The following ARGLU1 variants were observed in gnomAD, a reference collection of about 807,000 sequenced individuals.
The protein encoded by ARGLU1 is arginine and glutamate-rich protein 1.
A neutral mutation model predicts 37.6 loss-of-function variants in ARGLU1; 9 were observed. The ratio of observed to expected loss-of-function variants is 0.24; its 90% CI spans 0.14 to 0.42. ARGLU1 has a LOEUF of 0.42. Ranked by LOEUF, ARGLU1 falls within the 10% of genes least tolerant of loss-of-function variation. The pLI is 1.00. For synonymous variants in ARGLU1, 166 were observed against 138.5 expected (o/e 1.20, Z -1.39); for missense variants, 211 against 359.2 (o/e 0.59, Z 3.34).
In ARGLU1 at chr13:106,557,116, T is replaced by C; in HGVS notation, c.589A>G (p.Lys197Glu). The change falls in exon 3 of 4, where the codon AAA (lysine) becomes GAA (glutamate). Residue 197 changes from lysine (K) to glutamate (E), a missense_variant. Around this residue, in one of 3 missense-constraint regions of ARGLU1, gnomAD observed 80 missense variants for 158.4 expected, o/e 0.51. Coordinates refer to ENST00000400198, the MANE Select transcript of ARGLU1 (RefSeq NM_018011.4). This position sits in a 1 kb window ranked among gnomAD's most constrained non-coding sequence, Gnocchi z 5.0. ...AGTATTCGCTCTAGCTCCTCACGTT[T>C]TGCACGTTCTTCCTCCTAAAGGGGA... ...QKAREEEERA[K>E]REELERILEE... The C allele has an allele frequency of 1.2e-6, 2 of 1,613,872 alleles. No individual in the cohort carries two copies. The highest frequency in any genetic ancestry group is 1.7e-6 in the Non-Finnish European group (2 of 1,179,784).
chr13:106,565,638 C>G (rs920669830), intron 1 of ARGLU1, among the ~76,000 whole-genome samples: 2 of 152,198 alleles, frequency 1.3e-5, no homozygotes, highest in Non-Finnish European at 2.9e-5. Flanking sequence ...TGTTTCCTTA[C>G]ACTGCCAAAG....
intron 3 of ARGLU1, among the ~76,000 whole-genome samples, chr13:106,550,127 C>T (rs958025658): frequency 6.6e-6 from 1 of 152,148 alleles, no homozygotes; most frequent in Non-Finnish European, 1.5e-5. Flanking sequence ...GGAATGATTA[C>T]ATCAGGAGTG....
At position 106,559,456 on chromosome 13, in the gene ARGLU1, C is replaced by T; in HGVS notation, c.549G>A (p.Glu183=). The T allele has an allele frequency of 6.2e-7, 1 of 1,614,186 alleles. No individual in the cohort carries two copies. Among genetic ancestry groups the T allele is most frequent in the Non-Finnish European group, 8.5e-7 (1 of 1,180,036 alleles). ...CCTCTCTAGCTTTTTGTGCGGCAAG[C>T]TCAGCTTGTCTCTGTCGCTCGAGTT... is the stretch of plus-strand genomic sequence containing the variant. ...LEELERQRQA[E]LAAQKAREEE... The change falls in exon 2 of 4, where the codon GAG becomes GAA. Residue 183 remains glutamate (E), a synonymous_variant. Coordinates refer to ENST00000400198, the MANE Select transcript of ARGLU1 (RefSeq NM_018011.4).
chr13:106,560,212 T>C (rs1880760602), intron 1 of ARGLU1, among the ~76,000 whole-genome samples: 1 of 152,208 alleles, frequency 6.6e-6, no homozygotes, highest in African/African-American at 2.4e-5. Context: ...CTGAAGTTCT[T>C]TAGCTTTATA....
intron 1 of ARGLU1, among the ~76,000 whole-genome samples, chr13:106,565,087 T>C (rs1477754197): frequency 6.6e-6 from 1 of 152,214 alleles, no homozygotes; most frequent in Non-Finnish European, 1.5e-5. Context: ...GTTTCCATCC[T>C]ACACAACAAT....
At chr13:106,555,885 C>G (rs972989069) in intron 3 of ARGLU1, among the ~76,000 whole-genome samples, 1 of 152,158 alleles carries the variant, frequency 6.6e-6, no homozygotes, top group African/African-American at 2.4e-5. Context: ...AGGTCCAGTT[C>G]CACCTGCTCA....
chr13:106,564,269 A>T (rs1340596446), intron 1 of ARGLU1, among the ~76,000 whole-genome samples: 1 of 152,248 alleles, frequency 6.6e-6, no homozygotes, highest in Non-Finnish European at 1.5e-5. Flanking sequence ...GTTACATTAA[A>T]TAACATTACT....
chr13:106,560,248 TTTG>T (rs1458198687), intron 1 of ARGLU1, among the ~76,000 whole-genome samples: 9 of 152,224 alleles, frequency 5.9e-5, no homozygotes, highest in Non-Finnish European at 1.3e-4. Flanking sequence ...TTTTCTTCCT[TTTG>T]TTAATTTTCA....
At chr13:106,548,388 T>C (rs567089557) in intron 3 of ARGLU1, among the ~76,000 whole-genome samples, 2 of 152,296 alleles carry the variant, frequency 1.3e-5, no homozygotes, top group South Asian at 4.1e-4. Flanking sequence ...AATACAACCA[T>C]TGCTCCTTTC....
Position 106,567,965 on chromosome 13 carries a change from G to A in ARGLU1, c.-46C>T, listed in dbSNP as rs755755080. On this transcript the variant is annotated 5_prime_UTR_variant, in exon 1 of 4. Coordinates refer to ENST00000400198, the MANE Select transcript of ARGLU1 (RefSeq NM_018011.4). This position sits in a 1 kb window ranked among gnomAD's most constrained non-coding sequence, Gnocchi z 4.3. ...CCGCTCGCCTCAGGCCCCTCACGCG[G>A]CCAGTTCCCCTCGCCTCCGCCTTCG... 2 of 1,546,006 alleles carry A rather than the reference G, an allele frequency of 1.3e-6. No homozygotes were observed. The highest frequency in any genetic ancestry group is 2.8e-5 in the African/African-American group (2 of 70,768).
At chr13:106,544,997 G>A (rs1012301760) in intron 3 of ARGLU1, among the ~76,000 whole-genome samples, 5 of 152,128 alleles carry the variant, frequency 3.3e-5, no homozygotes, top group African/African-American at 1.2e-4. Flanking sequence ...CTTTACCAAA[G>A]TCAGGCCCTT....
rs558979014 is a variant in ARGLU1 at position 106,565,718 on chromosome 13, A to G, written c.347+1855T>C. The stretch of plus-strand genomic sequence containing the variant: ...AAGACATTAGAATATATTAAATAAA[A>G]TGCCTATTGTACGGCACCCAGGAAT... On this transcript the variant is annotated intron_variant, in intron 1 of 3. Transcript: ENST00000400198. 1.6e-4 allele frequency among the ~76,000 whole-genome samples: 24 copies of G among 152,336 alleles called. No individual in the cohort carries two copies. The South Asian group carries it at 4.8e-3, about 30-fold the overall frequency.
chr13:106,557,498 T>C lies in ARGLU1; in HGVS notation c.574-367A>G, dbSNP rs1880690659. 5.4e-6 allele frequency: 7 copies of C among 1,290,494 alleles called. No individual in the cohort carries two copies. Among genetic ancestry groups the C allele is most frequent in the Non-Finnish European group, 6.2e-6 (6 of 964,856 alleles). The allele number at this position is 1,290,494 out of a possible 1,614,324, so 79.9% of individuals were successfully genotyped here. A position where few individuals can be genotyped will look rare whatever the true frequency, so the allele number is the denominator to read the frequency against. The stretch of plus-strand genomic sequence containing the variant: ...AAGTGAATATTTGTCTCACCAATTA[T>C]GTATACCTACGTATTCTTTACCTAT... On this transcript the variant is annotated intron_variant, in intron 2 of 3. Transcript: ENST00000400198. The surrounding 1 kb of genome is among the most constrained non-coding windows in gnomAD (Gnocchi z 5.0).
Position 106,543,293 on chromosome 13 carries a change from T to C in ARGLU1, c.*703A>G, listed in dbSNP as rs1188843551. 1.3e-5 allele frequency: 2 copies of C among 152,542 alleles called. No individual in the cohort carries two copies. Among genetic ancestry groups the C allele is most frequent in the African/African-American group, 4.8e-5 (2 of 41,454 alleles). The allele number at this position is 152,542 out of a possible 1,614,324, so 9.4% of individuals were successfully genotyped here. A position where few individuals can be genotyped will look rare whatever the true frequency, so the allele number is the denominator to read the frequency against. ...AAAAGTGAACCACCCTCTTTAAGACTTAACATAACATTAAAAAAAATTGCT... is the reference window on the plus strand; with the variant it reads ...AAAAGTGAACCACCCTCTTTAAGACCTAACATAACATTAAAAAAAATTGCT... On this transcript the variant is annotated 3_prime_UTR_variant, in exon 4 of 4. Coordinates refer to ENST00000400198, the MANE Select transcript of ARGLU1 (RefSeq NM_018011.4).
rs1252497366 is a variant in ARGLU1, at chr13:106,541,753, A to G, written c.*2243T>C. The G allele has an allele frequency of 6.7e-6, 1 of 148,880 alleles. No homozygotes were observed. The highest frequency in any genetic ancestry group is 2.4e-5 in the African/African-American group (1 of 41,078). The allele number at this position is 148,880 out of a possible 1,614,324, so 9.2% of individuals were successfully genotyped here. ...TAACTACATACTGTAATAAAAATAA[A>G]CAAAGTCATACTTAATTCTATAATG... is the stretch of plus-strand genomic sequence containing the variant. On this transcript the variant is annotated 3_prime_UTR_variant, in exon 4 of 4. Transcript: ENST00000400198.
Position 106,557,148 on chromosome 13 carries a change from G to A in ARGLU1, c.574-17C>T, listed in dbSNP as rs758084797. ...TTCTTCCTCCTAAAGGGGAGGATAT[G>A]TTAAGATATTAGAAAAACAAAATGT... is the stretch of plus-strand genomic sequence containing the variant. On this transcript the variant is annotated splice_polypyrimidine_tract_variant and intron_variant, in intron 2 of 3. Coordinates refer to ENST00000400198, the MANE Select transcript of ARGLU1 (RefSeq NM_018011.4). The surrounding 1 kb of genome is among the most constrained non-coding windows in gnomAD (Gnocchi z 5.0). 1 of 1,582,828 alleles carries A rather than the reference G, an allele frequency of 6.3e-7. No individual in the cohort carries two copies. Among genetic ancestry groups the A allele is most frequent in the Non-Finnish European group, 8.7e-7 (1 of 1,153,626 alleles).
In ARGLU1 at chr13:106,544,425, A is replaced by G. The variant is rs1880340597; in HGVS notation, c.658-265T>C. On this transcript the variant is annotated intron_variant, in intron 3 of 3. Transcript: ENST00000400198. ...GAGAAAAAAGAATTAAGAAAATTAA[A>G]AGAGAACCCTTTATTAATTACATCT... 2.0e-5 allele frequency among the ~76,000 whole-genome samples: 3 copies of G among 152,334 alleles called. No individual in the cohort carries two copies. The South Asian group carries it at 6.2e-4, about 32-fold the overall frequency.
chr13:106,553,084 T>G (rs1458934383), intron 3 of ARGLU1, among the ~76,000 whole-genome samples: 1 of 152,198 alleles, frequency 6.6e-6, no homozygotes, highest in Non-Finnish European at 1.5e-5. Context: ...TTTAACTTCT[T>G]TACTAGTATT....
rs931353081 is a variant in ARGLU1 at position 106,541,901 on chromosome 13, G to C, written c.*2095C>G. The C allele has an allele frequency of 1.3e-5, 2 of 151,932 alleles. No homozygotes were observed. The highest frequency in any genetic ancestry group is 6.6e-5 in the Admixed American group (1 of 15,262). 9.4% of individuals were successfully genotyped at this position (151,932 alleles called of 1,614,324 possible). On this transcript the variant is annotated 3_prime_UTR_variant, in exon 4 of 4. Transcript: ENST00000400198. ...TTTTCTATGTACACAAAGGCAGTGG[G>C]AACAAATGAAAAAAACAAATTACTA...
Sources: allele counts gnomAD v4.1 joint callset (sites outside exome capture counted in the v4.1 genomes callset), GRCh38; gene constraint gnomAD v4.1.1; regional missense constraint gnomAD v4.1.1; non-coding constraint Gnocchi (gnomAD v3.1); transcripts MANE v1.5; gene names NCBI Gene and HGNC (gene_info 2026-07-23, HGNC 2026-07-21).